The following MBD5 variants were observed in gnomAD, a reference collection of about 807,000 sequenced individuals.
MBD5 encodes methyl-CpG binding domain protein 5.
A neutral mutation model predicts 117.3 loss-of-function variants in MBD5; 13 were observed. That is an observed-to-expected ratio of 0.11 (90% CI 0.07 to 0.18). The LOEUF (loss-of-function observed/expected upper bound fraction) is 0.18. Ranked by LOEUF, MBD5 falls within the 10% of genes least tolerant of loss-of-function variation. MBD5 has a pLI of 1.00. For synonymous variants in MBD5, 727 were observed against 766.4 expected, an observed-to-expected ratio of 0.95 and a Z score of 0.85; for missense variants, 1,879 against 2,093.8, an observed-to-expected ratio of 0.90 and a Z score of 2.00.
chr2:148,286,969 A>G (rs900092837), intron 3 of MBD5, among the ~76,000 whole-genome samples: 3 of 152,214 alleles, frequency 2.0e-5, no homozygotes, highest in African/African-American at 7.2e-5. Flanking sequence ...AATTTCTAAC[A>G]AAGTTGATGA....
At chr2:148,117,730 C>T (rs1696675797) in intron 1 of MBD5, among the ~76,000 whole-genome samples, 1 of 152,104 alleles carries the variant, frequency 6.6e-6, no homozygotes, top group African/African-American at 2.4e-5. Flanking sequence ...TATTTAACTG[C>T]ATGGCAGACA....
chr2:148,052,402 G>A (rs1320923041), intron 1 of MBD5, among the ~76,000 whole-genome samples: 3 of 151,810 alleles, frequency 2.0e-5, no homozygotes, highest in Non-Finnish European at 4.4e-5. Flanking sequence ...TAGAGATGGG[G>A]TTTCTCTGTG....
chr2:148,423,831 G>T (rs868778075), intron 4 of MBD5, among the ~76,000 whole-genome samples: 1 of 152,052 alleles, frequency 6.6e-6, no homozygotes, highest in Non-Finnish European at 1.5e-5. Flanking sequence ...ACACACATAG[G>T]TTCAAAATAA....
At chr2:148,119,045 T>C (rs1051480489) in intron 1 of MBD5, among the ~76,000 whole-genome samples, 2 of 152,160 alleles carry the variant, frequency 1.3e-5, no homozygotes, top group East Asian at 3.8e-4. Flanking sequence ...TATATACTCA[T>C]TATTGGAATT....
chr2:148,069,199 A>T (rs1695289218), intron 1 of MBD5, among the ~76,000 whole-genome samples: 1 of 152,182 alleles, frequency 6.6e-6, no homozygotes, highest in Admixed American at 6.5e-5. Context: ...GTATAAATGG[A>T]GAGAAAGGTG....
chr2:148,230,199 T>TA (rs946948995), intron 2 of MBD5, among the ~76,000 whole-genome samples: 1 of 151,516 alleles, frequency 6.6e-6, no homozygotes, highest in African/African-American at 2.4e-5. Context: ...GGGACTAGAG[T>TA]AAAAAAATCT....
At chr2:148,122,506 G>C (rs570891563) in intron 1 of MBD5, among the ~76,000 whole-genome samples, 1 of 152,258 alleles carries the variant, frequency 6.6e-6, no homozygotes, top group African/African-American at 2.4e-5. Context: ...TACATGATAT[G>C]TTTTAGAATG....
chr2:148,095,244 A>G (rs1307854510), intron 1 of MBD5, among the ~76,000 whole-genome samples: 2 of 152,180 alleles, frequency 1.3e-5, no homozygotes, highest in Admixed American at 6.5e-5. Context: ...CTAAAAGAAC[A>G]CAGTGAATAT....
At chr2:148,308,704 T>C (rs10206286) in intron 3 of MBD5, among the ~76,000 whole-genome samples, 1,882 of 152,108 alleles carry the variant, frequency 0.012, 38 homozygotes, top group African/African-American at 0.043. Flanking sequence ...TTGCTTTTGG[T>C]ATTTTAGTCT....
chr2:148,324,673 T>C (rs1574287742), intron 3 of MBD5, among the ~76,000 whole-genome samples: 2 of 152,168 alleles, frequency 1.3e-5, no homozygotes, highest in South Asian at 4.2e-4. Context: ...GTGATTTTTG[T>C]ACATTGATTT....
At chr2:148,138,287 T>C (rs1052067339) in intron 1 of MBD5, among the ~76,000 whole-genome samples, 1 of 152,212 alleles carries the variant, frequency 6.6e-6, no homozygotes, top group Non-Finnish European at 1.5e-5. Flanking sequence ...ATTATTCTCA[T>C]GTTACAGATG....
intron 4 of MBD5, among the ~76,000 whole-genome samples, chr2:148,343,257 G>A (rs1211847860): frequency 4.6e-5 from 7 of 151,920 alleles, no homozygotes; most frequent in Non-Finnish European, 8.8e-5. Flanking sequence ...GTCTTTTTGG[G>A]AGAACAATTT....
At chr2:148,356,722 A>C (rs1018500622) in intron 4 of MBD5, among the ~76,000 whole-genome samples, 11 of 151,258 alleles carry the variant, frequency 7.3e-5, no homozygotes, top group Non-Finnish European at 1.2e-4. Context: ...GTTCTTTCCA[A>C]CTCTCCATTA....
At chr2:148,222,764 T>C (rs1699721667) in intron 2 of MBD5, among the ~76,000 whole-genome samples, 1 of 152,140 alleles carries the variant, frequency 6.6e-6, no homozygotes, top group African/African-American at 2.4e-5. Flanking sequence ...TGCCCTTTAT[T>C]TCTTTCTCTT....
intron 3 of MBD5, among the ~76,000 whole-genome samples, chr2:148,318,581 A>T (rs896529026): frequency 6.6e-6 from 1 of 152,126 alleles, no homozygotes; most frequent in Non-Finnish European, 1.5e-5. Flanking sequence ...CTAGGATTTT[A>T]TAGTTCCCAA....
chr2:148,241,733 C>T (rs1463539639), intron 3 of MBD5, among the ~76,000 whole-genome samples: 1 of 152,112 alleles, frequency 6.6e-6, no homozygotes, highest in African/African-American at 2.4e-5. Context: ...CTCAGGAGAG[C>T]CATATAAACG....
chr2:148,083,460 A>C (rs1695697974), intron 1 of MBD5, among the ~76,000 whole-genome samples: 1 of 152,114 alleles, frequency 6.6e-6, no homozygotes, highest in Admixed American at 6.6e-5. Context: ...AAAATTGAGA[A>C]GATAAAAAGA....
At chr2:148,228,441 A>G (rs1198915244) in intron 2 of MBD5, among the ~76,000 whole-genome samples, 1 of 152,174 alleles carries the variant, frequency 6.6e-6, no homozygotes, top group South Asian at 2.1e-4. Flanking sequence ...TGAACCGGCC[A>G]TGCATCCCAG....
chr2:148,369,531 A>G (rs1165976548), intron 4 of MBD5, among the ~76,000 whole-genome samples: 3 of 152,194 alleles, frequency 2.0e-5, no homozygotes. Flanking sequence ...AGATGCTAAG[A>G]TGACAAATTA....
Sources: allele counts gnomAD v4.1 joint callset (sites outside exome capture counted in the v4.1 genomes callset), GRCh38; gene constraint gnomAD v4.1.1; transcripts MANE v1.5; gene names NCBI Gene and HGNC (gene_info 2026-07-23, HGNC 2026-07-21).